Variants in SPAG16 observed in about 807,000 individuals in gnomAD.
SPAG16 encodes the protein sperm-associated antigen 16 protein.
Under a neutral mutation model 80.4 loss-of-function variants are expected in SPAG16, and 86 were observed. That is an observed-to-expected ratio of 1.07 (90% CI 0.90 to 1.28). The LOEUF (loss-of-function observed/expected upper bound fraction) is 1.28, where lower values mean the gene tolerates loss of function less well. SPAG16 is among the 50% of genes most tolerant of loss of function. SPAG16 has a pLI of 0.00. For synonymous variants in SPAG16, 294 were observed against 265.9 expected, an observed-to-expected ratio of 1.11 and a Z score of -1.03; for missense variants, 870 against 765.3, an observed-to-expected ratio of 1.14 and a Z score of -1.61.
intron 10 of SPAG16, among the ~76,000 whole-genome samples, chr2:213,605,216 AT>A (rs1416257773): frequency 6.6e-6 from 1 of 151,948 alleles, no homozygotes; most frequent in African/African-American, 2.4e-5. Context: ...ATACTGGATA[AT>A]TTTGAAGCAA....
chr2:213,406,911 A>G (rs1398022142), intron 9 of SPAG16, among the ~76,000 whole-genome samples: 1 of 149,524 alleles, frequency 6.7e-6, no homozygotes, highest in Non-Finnish European at 1.5e-5. Context: ...GCAAGGAATA[A>G]CCCGAGCTCT....
intron 10 of SPAG16, among the ~76,000 whole-genome samples, chr2:213,624,118 A>C (rs188367928): frequency 6.6e-6 from 1 of 152,278 alleles, no homozygotes; most frequent in Admixed American, 6.5e-5. Context: ...AAGTTAAACT[A>C]CAGAAAAAAC....
intron 3 of SPAG16, among the ~76,000 whole-genome samples, chr2:213,301,809 C>T (rs1002724408): frequency 1.3e-5 from 2 of 152,174 alleles, no homozygotes; most frequent in Non-Finnish European, 1.5e-5. Context: ...GGCCCTTTCT[C>T]CGTAAGACCC....
rs554948581 is a variant in SPAG16, at chr2:213,787,537, A to AT, written c.1071-74944dup. On this transcript the variant is annotated intron_variant, in intron 10 of 15. Coordinates refer to ENST00000331683, the MANE Select transcript of SPAG16 (RefSeq NM_024532.5). ...GAGCTTGGAGATAGGAAGGCTGTAG[A>AT]TTTTGGATAGCCATGTAAGTCATGT... 9.7e-4 allele frequency among the ~76,000 whole-genome samples: 148 copies of AT among 152,228 alleles called. 1 individual carries two copies. Among genetic ancestry groups the AT allele is most frequent in the African/African-American group, 3.4e-3 (141 of 41,574 alleles).
At chr2:213,951,032 T>A (rs72950717) in intron 12 of SPAG16, among the ~76,000 whole-genome samples, 22,002 of 151,054 alleles carry the variant, frequency 0.15, 2,001 homozygotes, top group Non-Finnish European at 0.21. Context: ...TTTTTTTTTT[T>A]AATAATACAT....
At chr2:213,837,509 C>A (rs181627576) in intron 10 of SPAG16, among the ~76,000 whole-genome samples, 38 of 152,310 alleles carry the variant, frequency 2.5e-4, no homozygotes, top group Non-Finnish European at 4.4e-4. Flanking sequence ...AAAATGTATT[C>A]TTTCTTACAG....
At chr2:213,293,556 C>A (rs550366453) in intron 1 of SPAG16, among the ~76,000 whole-genome samples, 8 of 152,272 alleles carry the variant, frequency 5.3e-5, no homozygotes, top group African/African-American at 9.6e-5. Flanking sequence ...TGTGGAGAGA[C>A]CCACATGGGG....
rs141143012 is a variant in SPAG16, at chr2:214,043,242, A to G, written c.1527+29165A>G. 2.7e-3 allele frequency among the ~76,000 whole-genome samples: 411 copies of G among 152,134 alleles called. 16 individuals carry two copies. Among genetic ancestry groups the G allele is most frequent in the Admixed American group, 0.024 (359 of 15,266 alleles). On this transcript the variant is annotated intron_variant, in intron 13 of 15. Transcript: ENST00000331683. ...AATAAATCTAACACTAGTATAGCCT[A>G]TTTCACATTTTCCAGGGAGAAGAGC...
chr2:213,805,389 T>C (rs1186921113), intron 10 of SPAG16, among the ~76,000 whole-genome samples: 1 of 152,174 alleles, frequency 6.6e-6, no homozygotes, highest in Non-Finnish European at 1.5e-5. Flanking sequence ...ATGTCTACCC[T>C]AAAGGAAAGA....
intron 14 of SPAG16, among the ~76,000 whole-genome samples, chr2:214,115,855 C>T (rs536744639): frequency 1.4e-4 from 19 of 135,062 alleles, no homozygotes; most frequent in South Asian, 6.9e-4. Context: ...TCCAGCCTGG[C>T]GACAGAGTGA....
At chr2:214,254,786 T>TA (rs34040883) in intron 15 of SPAG16, among the ~76,000 whole-genome samples, 99,344 of 151,762 alleles carry the variant, frequency 0.65, 32,746 homozygotes, top group South Asian at 0.71. Context: ...TATATTTAGT[T>TA]GGGGGAAAAC....
chr2:214,339,610 T>A (rs1697527180), intron 15 of SPAG16, among the ~76,000 whole-genome samples: 1 of 151,966 alleles, frequency 6.6e-6, no homozygotes, highest in South Asian at 2.1e-4. Flanking sequence ...CAGCTTGTAG[T>A]ATTAGAAAAA....
chr2:213,650,950 A>G (rs1044652185), intron 10 of SPAG16, among the ~76,000 whole-genome samples: 1 of 152,230 alleles, frequency 6.6e-6, no homozygotes, highest in Admixed American at 6.5e-5. Context: ...ATTGTAATTC[A>G]GCCATTATGA....
At chr2:214,129,034 C>T (rs191455162) in intron 14 of SPAG16, among the ~76,000 whole-genome samples, 36 of 150,978 alleles carry the variant, frequency 2.4e-4, no homozygotes, top group Non-Finnish European at 4.0e-4. Flanking sequence ...AACATCTTTT[C>T]GTGTTCCCTC....
chr2:214,160,578 T>A (rs2056397870), intron 15 of SPAG16, among the ~76,000 whole-genome samples: 1 of 152,044 alleles, frequency 6.6e-6, no homozygotes, highest in Non-Finnish European at 1.5e-5. Context: ...GTGCCGTTCC[T>A]ACTTTCATTC....
intron 12 of SPAG16, among the ~76,000 whole-genome samples, chr2:213,973,942 G>T (rs1432110172): frequency 6.6e-6 from 1 of 152,074 alleles, no homozygotes; most frequent in Non-Finnish European, 1.5e-5. Flanking sequence ...AGGTAGATAT[G>T]ACCTGCATAT....
intron 15 of SPAG16, among the ~76,000 whole-genome samples, chr2:214,215,923 G>T (rs1345867355): frequency 2.6e-5 from 4 of 152,178 alleles, no homozygotes; most frequent in Non-Finnish European, 5.9e-5. Flanking sequence ...AAGAAAACAT[G>T]ACTCTGTTTC....
chr2:213,635,226 G>A (rs2062316268), intron 10 of SPAG16, among the ~76,000 whole-genome samples: 1 of 151,744 alleles, frequency 6.6e-6, no homozygotes. Flanking sequence ...TAATAGAGAT[G>A]GGGTTTCACC....
intron 10 of SPAG16, among the ~76,000 whole-genome samples, chr2:213,716,121 G>A (rs893259661): frequency 3.9e-5 from 6 of 151,920 alleles, no homozygotes; most frequent in African/African-American, 1.5e-4. Flanking sequence ...TCAACTTTTA[G>A]TTCTTTTTTT....
Sources: allele counts gnomAD v4.1 joint callset (sites outside exome capture counted in the v4.1 genomes callset), GRCh38; gene constraint gnomAD v4.1.1; transcripts MANE v1.5; gene names NCBI Gene and HGNC (gene_info 2026-07-23, HGNC 2026-07-21).